The following LINGO2 variants were observed in gnomAD, a reference collection of about 807,000 sequenced individuals.
LINGO2 encodes leucine rich repeat and Ig domain containing 2, also known as leucine-rich repeat and immunoglobulin-like domain-containing nogo receptor-interacting protein 2.
Under a neutral mutation model 30.6 loss-of-function variants are expected in LINGO2, and 14 were observed. The ratio of observed to expected loss-of-function variants is 0.46; its 90% CI spans 0.30 to 0.72. The LOEUF (loss-of-function observed/expected upper bound fraction) is 0.72. Ranked by LOEUF, LINGO2 falls within the 30% of genes least tolerant of loss-of-function variation. LINGO2 has a pLI of 0.07. For synonymous variants in LINGO2, 317 were observed against 288.5 expected, an observed-to-expected ratio of 1.10 and a Z score of -1.00; for missense variants, 729 against 751.7, an observed-to-expected ratio of 0.97 and a Z score of 0.35.
chr9:28,378,997 A>G lies in LINGO2; in HGVS notation c.-278-6129T>C, dbSNP rs114304934. Among the ~76,000 whole-genome samples the G allele has an allele frequency of 3.0e-4, 46 of 152,256 alleles. 1 individual carries two copies. Among genetic ancestry groups the G allele is most frequent in the African/African-American group, 1.1e-3 (44 of 41,558 alleles). On this transcript the variant is annotated intron_variant, in intron 2 of 5. Transcript: ENST00000379992. ...CAAAAAGTAGTCTGACAAACAGATA[A>G]AGACGGACAAAGGCATGGAGTTAAC... is the stretch of plus-strand genomic sequence containing the variant.
the LINGO2 span, among the ~76,000 whole-genome samples, chr9:28,838,075 C>G: frequency 2.0e-5 from 3 of 151,916 alleles, 1 homozygote; most frequent in Non-Finnish European, 2.9e-5. Flanking sequence ...ATGTGTGGTC[C>G]AGATACCCTA....
chr9:28,190,198 G>A (rs1359943943), intron 4 of LINGO2, among the ~76,000 whole-genome samples: 1 of 151,972 alleles, frequency 6.6e-6, no homozygotes, highest in Non-Finnish European at 1.5e-5. Context: ...GAGCTGTTTT[G>A]TCCATAAATG....
At chr9:29,161,475 G>A in the LINGO2 span, among the ~76,000 whole-genome samples, 3 of 152,160 alleles carry the variant, frequency 2.0e-5, no homozygotes, top group Non-Finnish European at 4.4e-5. Flanking sequence ...TGCACCCCTA[G>A]TATCCTATGA....
intron 4 of LINGO2, among the ~76,000 whole-genome samples, chr9:28,154,393 C>T (rs1044722953): frequency 2.6e-5 from 4 of 152,152 alleles, no homozygotes; most frequent in Non-Finnish European, 5.9e-5. Flanking sequence ...CAAAGATGAA[C>T]ACATGCAGAA....
chr9:28,616,628 C>A (rs1407532853), intron 1 of LINGO2, among the ~76,000 whole-genome samples: 1 of 152,158 alleles, frequency 6.6e-6, no homozygotes, highest in African/African-American at 2.4e-5. Context: ...AATGTATTTC[C>A]CTGCCCTGAT....
intron 4 of LINGO2, among the ~76,000 whole-genome samples, chr9:28,132,047 T>A (rs1827392430): frequency 6.6e-6 from 1 of 152,214 alleles, no homozygotes; most frequent in Admixed American, 6.5e-5. Context: ...AACTTCCATC[T>A]CTTTCTTTGT....
chr9:28,025,328 A>G (rs1823325461), intron 4 of LINGO2, among the ~76,000 whole-genome samples: 1 of 152,198 alleles, frequency 6.6e-6, no homozygotes, highest in Non-Finnish European at 1.5e-5. Context: ...TGTTTTAAAG[A>G]GACAGGCATA....
the LINGO2 span, among the ~76,000 whole-genome samples, chr9:29,159,832 CA>C: frequency 0.26 from 35,505 of 134,648 alleles, 4,161 homozygotes; most frequent in East Asian, 0.46. Context: ...CAGCCTGGGC[CA>C]AAAAAAAAAA....
chr9:28,937,384 G>A, the LINGO2 span, among the ~76,000 whole-genome samples: 1 of 152,242 alleles, frequency 6.6e-6, no homozygotes, highest in African/African-American at 2.4e-5. Flanking sequence ...TAAAATGGTA[G>A]GACGGACATA....
intron 1 of LINGO2, among the ~76,000 whole-genome samples, chr9:28,526,562 T>A (rs1443405848): frequency 6.6e-6 from 1 of 152,194 alleles, no homozygotes; most frequent in Non-Finnish European, 1.5e-5. Context: ...TGTACACGAA[T>A]GTTCACAATA....
chr9:28,648,053 C>T (rs1827921879), intron 1 of LINGO2, among the ~76,000 whole-genome samples: 1 of 151,880 alleles, frequency 6.6e-6, no homozygotes, highest in African/African-American at 2.4e-5. Context: ...CAAGACAAGA[C>T]AGAATGAAAA....
intron 2 of LINGO2, among the ~76,000 whole-genome samples, chr9:28,417,759 T>C (rs976168085): frequency 2.0e-5 from 3 of 152,218 alleles, no homozygotes; most frequent in African/African-American, 7.2e-5. Context: ...GTTACTCATG[T>C]CATACTATTA....
intron 4 of LINGO2, among the ~76,000 whole-genome samples, chr9:28,214,205 C>A (rs1305484120): frequency 4.0e-5 from 6 of 151,416 alleles, no homozygotes; most frequent in African/African-American, 1.5e-4. Context: ...GTAAGAAATT[C>A]TTTATACTTT....
At chr9:28,975,472 TATAACTTGCC>T in the LINGO2 span, among the ~76,000 whole-genome samples, 3 of 152,196 alleles carry the variant, frequency 2.0e-5, no homozygotes, top group East Asian at 1.9e-4. Context: ...AAATTTCTGC[TATAACTTGCC>T]AGTGCCTAGT....
At chr9:28,360,346 G>A (rs991213758) in intron 3 of LINGO2, among the ~76,000 whole-genome samples, 2 of 152,136 alleles carry the variant, frequency 1.3e-5, no homozygotes, top group African/African-American at 4.8e-5. Flanking sequence ...GATTAGAAGA[G>A]CATCTGATAC....
intron 4 of LINGO2, among the ~76,000 whole-genome samples, chr9:28,056,027 T>G (rs567354999): frequency 2.0e-4 from 31 of 152,184 alleles, no homozygotes; most frequent in African/African-American, 7.2e-4. Flanking sequence ...AAATGAAAAC[T>G]TAAGACAAAA....
intron 1 of LINGO2, among the ~76,000 whole-genome samples, chr9:28,590,214 C>T (rs1485900780): frequency 6.6e-6 from 1 of 152,008 alleles, no homozygotes; most frequent in South Asian, 2.1e-4. Context: ...AGAAGAAAAC[C>T]TAGGCAATAC....
intron 1 of LINGO2, among the ~76,000 whole-genome samples, chr9:28,661,623 G>A (rs545419096): frequency 6.6e-6 from 1 of 152,244 alleles, no homozygotes; most frequent in East Asian, 1.9e-4. Flanking sequence ...TAAACATATT[G>A]AAACATGAAG....
At chr9:28,312,585 T>C (rs903965619) in intron 3 of LINGO2, among the ~76,000 whole-genome samples, 1 of 152,180 alleles carries the variant, frequency 6.6e-6, no homozygotes, top group African/African-American at 2.4e-5. Context: ...TTTATTCTAA[T>C]TAAGGCACTA....
Sources: allele counts gnomAD v4.1 joint callset (sites outside exome capture counted in the v4.1 genomes callset), GRCh38; gene constraint gnomAD v4.1.1; transcripts MANE v1.5; gene names NCBI Gene and HGNC (gene_info 2026-07-23, HGNC 2026-07-21).